Variants in RNF217 observed in about 807,000 individuals in gnomAD.
RNF217 encodes E3 ubiquitin-protein ligase RNF217.
A neutral mutation model predicts 57.8 loss-of-function variants in RNF217; 31 were observed. The ratio of observed to expected loss-of-function variants is 0.54; its 90% confidence interval spans 0.40 to 0.72. The LOEUF is 0.72. RNF217 is among the 30% of genes least tolerant of loss of function. The probability of loss-of-function intolerance (pLI) is 0.00; values close to 1 mark genes in which losing one functional copy is unlikely to be tolerated. For missense variants in RNF217, 696 were observed against 708.3 expected (o/e 0.98, Z 0.20); for synonymous variants, 313 against 294.0 (o/e 1.06, Z -0.66).
chr6:124,977,162 A>G (rs932712612), intron 1 of RNF217, among the ~76,000 whole-genome samples: 2 of 152,242 alleles, frequency 1.3e-5, no homozygotes, highest in African/African-American at 4.8e-5. Flanking sequence ...TTTAAAAATA[A>G]TATAAAACAT....
At chr6:125,054,881 G>C (rs549852235) in intron 2 of RNF217, among the ~76,000 whole-genome samples, 1 of 152,284 alleles carries the variant, frequency 6.6e-6, no homozygotes, top group East Asian at 1.9e-4. Context: ...ACCACACTTT[G>C]AGCCACAAGG....
At chr6:124,979,205 A>G (rs966944229) in intron 1 of RNF217, among the ~76,000 whole-genome samples, 9 of 152,114 alleles carry the variant, frequency 5.9e-5, no homozygotes, top group African/African-American at 9.7e-5. Context: ...GTCTCTTGTT[A>G]TTATCAATTG....
intron 1 of RNF217, among the ~76,000 whole-genome samples, chr6:124,979,670 G>A (rs1486540833): frequency 2.0e-5 from 3 of 149,466 alleles, no homozygotes; most frequent in African/African-American, 7.3e-5. Flanking sequence ...GGGTCAGATA[G>A]TATAGATCCT....
intron 2 of RNF217, among the ~76,000 whole-genome samples, chr6:125,056,998 G>A (rs559750279): frequency 1.3e-5 from 2 of 152,112 alleles, no homozygotes; most frequent in South Asian, 2.1e-4. Flanking sequence ...CGTTTCTGAC[G>A]GTTTTCTAAG....
chr6:124,973,254 C>T (rs1413970773), intron 1 of RNF217, among the ~76,000 whole-genome samples: 1 of 152,156 alleles, frequency 6.6e-6, no homozygotes, highest in Non-Finnish European at 1.5e-5. Flanking sequence ...TCTATCACTC[C>T]AGCTCTCCTC....
chr6:125,057,040 T>C (rs9491291), intron 2 of RNF217, among the ~76,000 whole-genome samples: 1,635 of 152,342 alleles, frequency 0.011, 23 homozygotes, highest in African/African-American at 0.033. Flanking sequence ...ATTGATATAT[T>C]TCTAATAATA....
chr6:125,042,628 A>G (rs1043785185), intron 1 of RNF217, among the ~76,000 whole-genome samples: 1 of 152,110 alleles, frequency 6.6e-6, no homozygotes, highest in Non-Finnish European at 1.5e-5. Context: ...ACTGCAGTAG[A>G]AAAGAAGGTG....
intron 1 of RNF217, among the ~76,000 whole-genome samples, chr6:125,021,041 A>G (rs969396768): frequency 6.6e-6 from 1 of 152,196 alleles, no homozygotes; most frequent in Non-Finnish European, 1.5e-5. Context: ...ATGTGTTAAA[A>G]GTCTCACAAT....
chr6:125,053,322 C>T (rs909129485), intron 2 of RNF217, among the ~76,000 whole-genome samples: 3 of 152,096 alleles, frequency 2.0e-5, no homozygotes, highest in Non-Finnish European at 4.4e-5. Flanking sequence ...TCAACATAAG[C>T]AGTTCCTGCT....
At chr6:125,051,723 T>A (rs2114561724) in intron 2 of RNF217, among the ~76,000 whole-genome samples, 1 of 152,204 alleles carries the variant, frequency 6.6e-6, no homozygotes, top group South Asian at 2.1e-4. Flanking sequence ...TTTCCTTATG[T>A]ACACTTAACA....
At chr6:125,045,176 G>A (rs200530162) in intron 1 of RNF217, 35 bp from the exon 2 acceptor site, 218 of 1,405,986 alleles carry the variant, frequency 1.6e-4, no homozygotes, top group South Asian at 6.5e-4. Flanking sequence ...AACCAGTGAC[G>A]TTTTTTTCCT....
intron 3 of RNF217, among the ~76,000 whole-genome samples, chr6:125,073,232 T>C (rs192548244): frequency 6.6e-6 from 1 of 152,266 alleles, no homozygotes; most frequent in Admixed American, 6.5e-5. Flanking sequence ...AGAGGTCCAG[T>C]AGGGCTGTTG....
chr6:125,042,109 T>A (rs1191333453), intron 1 of RNF217, among the ~76,000 whole-genome samples: 1 of 152,086 alleles, frequency 6.6e-6, no homozygotes, highest in African/African-American at 2.4e-5. Flanking sequence ...TTGAGGAAAA[T>A]TTTCTGAAAA....
intron 1 of RNF217, chr6:124,996,778 G>T (rs1282270463): frequency 6.6e-6 from 1 of 152,074 alleles, no homozygotes; most frequent in Non-Finnish European, 1.5e-5. Flanking sequence ...TACAAATATT[G>T]CAGTTTTAAA....
At chr6:124,977,101 C>G (rs953475773) in intron 1 of RNF217, among the ~76,000 whole-genome samples, 4 of 152,228 alleles carry the variant, frequency 2.6e-5, no homozygotes, top group Middle Eastern at 3.4e-3. Flanking sequence ...ATTTTCCATC[C>G]TACTTAAAAA....
chr6:125,015,107 A>T (rs777436214), intron 1 of RNF217, among the ~76,000 whole-genome samples: 21 of 152,308 alleles, frequency 1.4e-4, no homozygotes, highest in Non-Finnish European at 2.6e-4. Context: ...TAGAAGTTTC[A>T]TTGATACCAA....
intron 1 of RNF217, among the ~76,000 whole-genome samples, chr6:124,977,218 A>G: frequency 6.6e-6 from 1 of 152,210 alleles, no homozygotes; most frequent in East Asian, 1.9e-4. Flanking sequence ...GGAAAGTACA[A>G]ATGTACTAGC....
chr6:125,026,278 A>G (rs1786077712), intron 1 of RNF217, among the ~76,000 whole-genome samples: 1 of 152,194 alleles, frequency 6.6e-6, no homozygotes. Flanking sequence ...AGTGACTAAC[A>G]TTGAATTAAA....
chr6:125,005,476 A>T (rs894189485), intron 1 of RNF217, among the ~76,000 whole-genome samples: 14 of 152,222 alleles, frequency 9.2e-5, no homozygotes, highest in Non-Finnish European at 1.0e-4. Flanking sequence ...GCAAGAGAAT[A>T]AACTTGATCT....
Sources: gnomAD v4.1 joint callset for allele counts (sites outside exome capture counted in the v4.1 genomes callset) on GRCh38, gnomAD v4.1.1 for gene constraint, MANE v1.5 for transcripts, NCBI Gene and HGNC (gene_info 2026-07-23, HGNC 2026-07-21) for gene names.